Variants in DLG1 observed in about 807,000 individuals in gnomAD.
DLG1 encodes disks large homolog 1.
Under a neutral mutation model 123.4 loss-of-function variants are expected in DLG1, and 42 were observed. The observed-to-expected ratio is 0.34, with a 90% CI of 0.27 to 0.44. DLG1 has a LOEUF of 0.44. Ranked by LOEUF, DLG1 falls within the 20% of genes least tolerant of loss-of-function variation. The pLI, the probability that DLG1 is intolerant of heterozygous loss-of-function variation, is 1.00. For missense variants in DLG1, 942 were observed against 1,082.6 expected (o/e 0.87, Z 1.82); for synonymous variants, 317 against 356.2 (o/e 0.89, Z 1.24).
intron 24 of DLG1, 101 bp downstream of exon 24, chr3:197,051,476 G>T: frequency 1.2e-6 from 1 of 856,516 alleles, no homozygotes; most frequent in South Asian, 1.5e-5. Flanking sequence ...GTTACTACGG[G>T]TAGATGTAGG....
chr3:197,081,394 G>A (rs1751048817), intron 16 of DLG1, among the ~76,000 whole-genome samples: 1 of 152,158 alleles, frequency 6.6e-6, no homozygotes, highest in African/African-American at 2.4e-5. Context: ...ATGAAAGTAT[G>A]AGGCACCATT....
chr3:197,123,270 CT>C (rs1412522789), intron 11 of DLG1, among the ~76,000 whole-genome samples: 1 of 152,044 alleles, frequency 6.6e-6, no homozygotes, highest in African/African-American at 2.4e-5. Context: ...ATAGAAAAGA[CT>C]GATAAGGAAT....
intron 11 of DLG1, among the ~76,000 whole-genome samples, chr3:197,125,436 G>A (rs1383427966): frequency 6.6e-6 from 1 of 152,142 alleles, no homozygotes; most frequent in Non-Finnish European, 1.5e-5. Flanking sequence ...AGGACTTGAA[G>A]ATGTGCAATG....
At chr3:197,141,942 A>G (rs959810773) in intron 7 of DLG1, among the ~76,000 whole-genome samples, 2 of 152,162 alleles carry the variant, frequency 1.3e-5, no homozygotes, top group Non-Finnish European at 2.9e-5. Context: ...TCTGGCCTCA[A>G]GTGATTCACC....
At chr3:197,296,969 G>A (rs951065086) in intron 2 of DLG1, 11 of 548,408 alleles carry the variant, frequency 2.0e-5, no homozygotes, top group Non-Finnish European at 3.2e-5. Context: ...GGGGCTAACT[G>A]CCTCTCTTAA....
intron 4 of DLG1, chr3:197,260,444 A>T (rs1333038406): frequency 9.5e-6 from 2 of 209,706 alleles, no homozygotes; most frequent in African/African-American, 4.7e-5. Flanking sequence ...CCATTCTTAG[A>T]GGTAGCAATT....
intron 9 of DLG1, among the ~76,000 whole-genome samples, chr3:197,137,545 A>G (rs945925326): frequency 6.6e-6 from 1 of 152,212 alleles, no homozygotes; most frequent in African/African-American, 2.4e-5. Context: ...ACAAATAGAT[A>G]TTTTGTTCCC....
chr3:197,193,303 C>G (rs1720652945), intron 5 of DLG1, among the ~76,000 whole-genome samples: 2 of 152,026 alleles, frequency 1.3e-5, no homozygotes, highest in South Asian at 4.1e-4. Context: ...AGTAAAATTC[C>G]CATTAAAATC....
intron 3 of DLG1, among the ~76,000 whole-genome samples, chr3:197,288,746 A>ACATACATG (rs1773326161): frequency 9.3e-6 from 1 of 107,006 alleles, no homozygotes; most frequent in Non-Finnish European, 2.1e-5. Context: ...AAAAAAAAAT[A>ACATACATG]CATACATACA....
At chr3:197,296,709 T>C (rs910021710) in intron 2 of DLG1, 3 of 426,996 alleles carry the variant, frequency 7.0e-6, no homozygotes, top group East Asian at 7.2e-5. Flanking sequence ...CGGAGGAGAG[T>C]GAGCAGTTTG....
At position 197,049,307 on chromosome 3, in the gene DLG1, T is replaced by C. The variant is rs1426991738; in HGVS notation, c.2575+2270A>G. Among the ~76,000 whole-genome samples, 3 of 150,420 alleles carry C rather than the reference T, an allele frequency of 2.0e-5. No homozygotes were observed. The East Asian group carries it at 6.1e-4, about 31-fold the overall frequency. On this transcript the variant is annotated intron_variant, in intron 24 of 24. Coordinates refer to ENST00000667157, the MANE Select transcript of DLG1 (RefSeq NM_001366207.1). Reference sequence around the variant, plus strand: ...TCCAGCCTGGACAACAGAGTGAGACTCTGTCTCAAAACAAAACAATAAAAA... The same window carrying C: ...TCCAGCCTGGACAACAGAGTGAGACCCTGTCTCAAAACAAAACAATAAAAA...
At position 197,131,580 on chromosome 3, in the gene DLG1, CTTTCTTTTTTTTTT is replaced by C. The variant is rs1398941114; in HGVS notation, c.1021-923_1021-910del. Among the ~76,000 whole-genome samples, 13 of 120,732 alleles carry C rather than the reference CTTTCTTTTTTTTTT, an allele frequency of 1.1e-4. No individual in the cohort carries two copies. The East Asian group carries it at 2.4e-3, about 22-fold the overall frequency. The allele number at this position is 120,732 out of a possible 152,430, so 79.2% of individuals were successfully genotyped here. A position where few individuals can be genotyped will look rare whatever the true frequency, so the allele number is the denominator to read the frequency against. On this transcript the variant is annotated intron_variant, in intron 10 of 24. Transcript: ENST00000667157. Reference sequence around the variant, plus strand: ...TCAGCAAATATAGTTTTATTTCTTCCTTTCTTTTTTTTTTTTTTTTTTTTTTTTTTTGAGACGGA... The same window carrying C: ...TCAGCAAATATAGTTTTATTTCTTCCTTTTTTTTTTTTTTTTTGAGACGGA...
chr3:197,127,486 AT>A (rs1437512308), intron 11 of DLG1, among the ~76,000 whole-genome samples: 2,352 of 87,664 alleles, frequency 0.027, 124 homozygotes, highest in South Asian at 0.045. Flanking sequence ...ATATATATAT[AT>A]ATATATATAA....
At chr3:197,233,367 C>T (rs933141432) in intron 4 of DLG1, among the ~76,000 whole-genome samples, 15 of 152,238 alleles carry the variant, frequency 9.9e-5, no homozygotes, top group African/African-American at 3.4e-4. Flanking sequence ...TCAACTACTT[C>T]TATTGGAAGG....
At chr3:197,080,951 C>G in intron 17 of DLG1, 100 bp downstream of exon 17, 1 of 1,116,360 alleles carries the variant, frequency 9.0e-7, no homozygotes, top group Non-Finnish European at 1.3e-6. Flanking sequence ...AGCACCATGG[C>G]AAGAACTGAT....
At chr3:197,260,245 A>ATATTATATCTTACCTTTG (rs1561742701) in intron 4 of DLG1, 1 of 434,338 alleles carries the variant, frequency 2.3e-6, no homozygotes, top group Non-Finnish European at 4.6e-6. Flanking sequence ...ACAGAAAAGC[A>ATATTATATCTTACCTTTG]TATTATATCT....
At chr3:197,192,034 C>A (rs1269235147) in intron 5 of DLG1, among the ~76,000 whole-genome samples, 4 of 151,052 alleles carry the variant, frequency 2.6e-5, no homozygotes, top group African/African-American at 9.7e-5. Context: ...AATAGCCAAG[C>A]ATGATGGCAT....
chr3:197,163,090 C>T (rs1314459361), intron 5 of DLG1, among the ~76,000 whole-genome samples: 1 of 152,054 alleles, frequency 6.6e-6, no homozygotes, highest in Admixed American at 6.5e-5. Context: ...AATTAGCACA[C>T]GAAAAGATGC....
intron 14 of DLG1, among the ~76,000 whole-genome samples, chr3:197,099,267 T>C (rs1209173297): frequency 6.6e-6 from 1 of 152,222 alleles, no homozygotes; most frequent in Non-Finnish European, 1.5e-5. Context: ...GGGTGTCCTA[T>C]GTTACCCAGG....
Sources: allele counts gnomAD v4.1 joint callset (sites outside exome capture counted in the v4.1 genomes callset), GRCh38; gene constraint gnomAD v4.1.1; transcripts MANE v1.5; gene names NCBI Gene and HGNC (gene_info 2026-07-23, HGNC 2026-07-21).